Variants in SLC35F4 observed in about 807,000 individuals in gnomAD.
SLC35F4 encodes solute carrier family 35 member F4, also known as chromosome 14 open reading frame 36.
Under a neutral mutation model 44.2 loss-of-function variants are expected in SLC35F4, and 24 were observed. The observed-to-expected ratio is 0.54, with a 90% CI of 0.39 to 0.76. SLC35F4 has a LOEUF of 0.76. SLC35F4 is among the 30% of genes least tolerant of loss of function. SLC35F4 has a pLI of 0.00. For missense variants in SLC35F4, 562 were observed against 586.1 expected, an observed-to-expected ratio of 0.96 and a Z score of 0.42; for synonymous variants, 238 against 223.6, an observed-to-expected ratio of 1.06 and a Z score of -0.57.
chr14:57,578,368 A>G (rs1191842555), intron 4 of SLC35F4, among the ~76,000 whole-genome samples: 1 of 46,450 alleles, frequency 2.2e-5, no homozygotes, highest in Non-Finnish European at 4.3e-5. Context: ...TTTTTTGAGT[A>G]GTCCAGTGGG....
At position 57,643,652 on chromosome 14, in the gene SLC35F4, A is replaced by G. The variant is rs536843901; in HGVS notation, c.104-49528T>C. Among the ~76,000 whole-genome samples, 4 of 152,242 alleles carry G rather than the reference A, an allele frequency of 2.6e-5. No individual in the cohort carries two copies. In the South Asian group the frequency reaches 8.3e-4, roughly 32 times the overall value. ...ATTGTTATACTTTAAGTTTTAGGGT[A>G]CATGTGCACAACGTGCAGGTTTGTT... is the stretch of plus-strand genomic sequence containing the variant. On this transcript the variant is annotated intron_variant, in intron 1 of 7. Coordinates refer to ENST00000556826, the MANE Select transcript of SLC35F4 (RefSeq NM_001306087.2).
intron 1 of SLC35F4, among the ~76,000 whole-genome samples, chr14:57,671,537 T>C (rs2074523157): frequency 6.6e-6 from 1 of 151,936 alleles, no homozygotes; most frequent in South Asian, 2.1e-4. Flanking sequence ...GCATTTATTA[T>C]CTGCTAACTG....
At chr14:57,741,480 A>G (rs1019276908) in intron 1 of SLC35F4, among the ~76,000 whole-genome samples, 15 of 152,208 alleles carry the variant, frequency 9.9e-5, no homozygotes, top group Non-Finnish European at 1.9e-4. Context: ...AAGTGGAAGA[A>G]AGGGTATCAG....
At chr14:57,878,473 T>C (rs1332652174) in intron 1 of SLC35F4, among the ~76,000 whole-genome samples, 2 of 152,144 alleles carry the variant, frequency 1.3e-5, no homozygotes, top group Non-Finnish European at 2.9e-5. Flanking sequence ...CAACCTCAAC[T>C]CTGTGACTAC....
intron 1 of SLC35F4, among the ~76,000 whole-genome samples, chr14:57,711,723 A>G (rs537982802): frequency 3.2e-4 from 49 of 152,356 alleles, no homozygotes; most frequent in African/African-American, 9.9e-4. Flanking sequence ...CATATACCAG[A>G]AAGCCAAATC....
chr14:57,584,114 T>C (rs1261122735), intron 3 of SLC35F4, among the ~76,000 whole-genome samples: 1 of 152,208 alleles, frequency 6.6e-6, no homozygotes, highest in African/African-American at 2.4e-5. Flanking sequence ...AGTTTGATGC[T>C]ATCTAAGATT....
intron 1 of SLC35F4, among the ~76,000 whole-genome samples, chr14:57,595,221 C>T (rs1194083126): frequency 6.6e-6 from 1 of 152,098 alleles, no homozygotes; most frequent in East Asian, 1.9e-4. Context: ...TGAAGTACTT[C>T]GTAGTCTCTC....
intron 1 of SLC35F4, among the ~76,000 whole-genome samples, chr14:57,737,463 G>A (rs73289936): frequency 0.017 from 2,586 of 152,160 alleles, 82 homozygotes; most frequent in African/African-American, 0.06. Context: ...CTGTGAACTG[G>A]GGCACTTAAA....
At position 57,616,290 on chromosome 14, in the gene SLC35F4, G is replaced by C. The variant is rs182630418; in HGVS notation, c.104-22166C>G. The stretch of plus-strand genomic sequence containing the variant: ...CTCATAACATATACCATCTTAGCGT[G>C]GTAGTAAGGGTATAATTTTCCAGAA... On this transcript the variant is annotated intron_variant, in intron 1 of 7. Coordinates refer to ENST00000556826, the MANE Select transcript of SLC35F4 (RefSeq NM_001306087.2). Among the ~76,000 whole-genome samples the C allele has an allele frequency of 3.0e-4, 46 of 152,266 alleles. No individual in the cohort carries two copies. In the Middle Eastern group the frequency reaches 0.01, roughly 34 times the overall value.
At chr14:57,649,034 C>G (rs1239273429) in intron 1 of SLC35F4, among the ~76,000 whole-genome samples, 1 of 152,170 alleles carries the variant, frequency 6.6e-6, no homozygotes, top group Non-Finnish European at 1.5e-5. Context: ...ACCTATTTCT[C>G]ATCATCTTTC....
chr14:57,585,702 C>T (rs891697896), intron 3 of SLC35F4, among the ~76,000 whole-genome samples: 6 of 151,916 alleles, frequency 3.9e-5, no homozygotes, highest in Non-Finnish European at 1.5e-5. Context: ...CCAGTAATAG[C>T]CAAATCATGA....
At chr14:57,745,548 C>A (rs1294862629) in intron 1 of SLC35F4, among the ~76,000 whole-genome samples, 1 of 152,110 alleles carries the variant, frequency 6.6e-6, no homozygotes, top group African/African-American at 2.4e-5. Context: ...CATCTCACAC[C>A]AGTTAGAATG....
At chr14:57,635,917 T>C (rs989641245) in intron 1 of SLC35F4, among the ~76,000 whole-genome samples, 9 of 152,152 alleles carry the variant, frequency 5.9e-5, no homozygotes, top group African/African-American at 2.2e-4. Context: ...TGTGAAAATG[T>C]TAGCAAAGCA....
At chr14:57,625,171 A>C (rs1284432924) in intron 1 of SLC35F4, among the ~76,000 whole-genome samples, 1 of 152,208 alleles carries the variant, frequency 6.6e-6, no homozygotes, top group African/African-American at 2.4e-5. Context: ...ACAGACAGAG[A>C]GCCAAATCAT....
In SLC35F4 at chr14:57,622,242, C is replaced by T. The variant is rs368511437; in HGVS notation, c.104-28118G>A. ...ATGGCACTGTAAACTAGTTCAACCA[C>T]TGTGGAAGTCAGTGTGGCGATTCCT... On this transcript the variant is annotated intron_variant, in intron 1 of 7. Coordinates refer to ENST00000556826, the MANE Select transcript of SLC35F4 (RefSeq NM_001306087.2). Among the ~76,000 whole-genome samples the T allele has an allele frequency of 3.1e-3, 382 of 124,894 alleles. 3 individuals carry two copies. Among genetic ancestry groups the T allele is most frequent in the African/African-American group, 9.8e-3 (281 of 28,698 alleles). The allele number at this position is 124,894 out of a possible 152,430, so 81.9% of individuals were successfully genotyped here. A position where few individuals can be genotyped will look rare whatever the true frequency, so the allele number is the denominator to read the frequency against.
At chr14:57,975,041 A>C (rs1881174605), downstream of SLC35F4, among the ~76,000 whole-genome samples, 2 of 152,184 alleles carry the variant, frequency 1.3e-5, no homozygotes, top group Admixed American at 1.3e-4. Flanking sequence ...TCTCAAAGTA[A>C]ATAACTTTCA....
intron 1 of SLC35F4, among the ~76,000 whole-genome samples, chr14:57,888,994 G>A (rs1454574727): frequency 2.6e-5 from 4 of 152,132 alleles, no homozygotes; most frequent in African/African-American, 9.7e-5. Flanking sequence ...AGTCACTGGG[G>A]TGACAATGTT....
At chr14:57,768,644 T>C (rs2077288281) in intron 1 of SLC35F4, among the ~76,000 whole-genome samples, 1 of 152,250 alleles carries the variant, frequency 6.6e-6, no homozygotes, top group African/African-American at 2.4e-5. Flanking sequence ...TTTATTTGCT[T>C]GCATTTGGGG....
At chr14:57,970,492 T>A (rs372616369) in intron 1 of SLC35F4, among the ~76,000 whole-genome samples, 1 of 152,202 alleles carries the variant, frequency 6.6e-6, no homozygotes, top group Non-Finnish European at 1.5e-5. Context: ...GGGTGATGAA[T>A]GACCCAAACA....
Sources: allele counts gnomAD v4.1 joint callset (sites outside exome capture counted in the v4.1 genomes callset), GRCh38; gene constraint gnomAD v4.1.1; transcripts MANE v1.5; gene names NCBI Gene and HGNC (gene_info 2026-07-23, HGNC 2026-07-21).